The following SPTBN4 variants were observed in gnomAD, a reference collection of about 807,000 sequenced individuals.
SPTBN4 encodes the protein spectrin beta chain, non-erythrocytic 4.
A neutral mutation model predicts 277.8 loss-of-function variants in SPTBN4; 96 were observed. The ratio of observed to expected loss-of-function variants is 0.35; its 90% CI spans 0.29 to 0.41. SPTBN4 has a LOEUF of 0.41. SPTBN4 is among the 10% of genes least tolerant of loss of function. The pLI, the probability that SPTBN4 is intolerant of heterozygous loss-of-function variation, is 1.00. For missense variants in SPTBN4, 3,006 were observed against 3,595.7 expected (o/e 0.84, Z 4.19); for synonymous variants, 1,481 against 1,580.3 (o/e 0.94, Z 1.49).
intron 2 of SPTBN4, among the ~76,000 whole-genome samples, chr19:40,485,746 C>T (rs553305969): frequency 6.6e-4 from 100 of 151,874 alleles, no homozygotes; most frequent in African/African-American, 2.4e-3. Context: ...GTTGAGGCTG[C>T]AGTGAGCCAT....
rs1411350090 is a variant in SPTBN4, at chr19:40,575,658, G to A, written c.*89G>A. 1.4e-6 allele frequency: 2 copies of A among 1,456,616 alleles called. No individual in the cohort carries two copies. The highest frequency in any genetic ancestry group is 1.4e-5 in the African/African-American group (1 of 70,862). The allele number at this position is 1,456,616 out of a possible 1,614,324, so 90.2% of individuals were successfully genotyped here. A position where few individuals can be genotyped will look rare whatever the true frequency, so the allele number is the denominator to read the frequency against. The stretch of plus-strand genomic sequence containing the variant: ...CACTTTTTCTTCCGCAGGGGCGGGA[G>A]CCCCTAGTTCCAACACTGAGGACGC... On this transcript the variant is annotated 3_prime_UTR_variant, in exon 36 of 36. Transcript: ENST00000598249.
Position 40,566,197 on chromosome 19 carries a change from G to C in SPTBN4, c.6174G>C (p.Val2058=), listed in dbSNP as rs1283847326. 61 of 1,543,196 alleles carry C rather than the reference G, an allele frequency of 4.0e-5. No individual in the cohort carries two copies. Among genetic ancestry groups the C allele is most frequent in the Non-Finnish European group, 5.3e-5 (61 of 1,141,830 alleles). Residue 2058 remains valine, a synonymous_variant, in exon 30 of 36, where the codon GTG becomes GTC. Coordinates refer to ENST00000598249, the MANE Select transcript of SPTBN4 (RefSeq NM_020971.3). ...TGCACCAGTTTGCCCAGGAGGCGGT[G>C]GTGGCTGATGCCTGGCTGACAGCCC... is the stretch of plus-strand genomic sequence containing the variant. ...LEVHQFAQEA[V]VADAWLTAQE... is the part of the protein sequence containing the mutation.
chr19:40,485,123 G>A (rs559660504), intron 2 of SPTBN4, among the ~76,000 whole-genome samples: 4 of 152,000 alleles, frequency 2.6e-5, no homozygotes, highest in Non-Finnish European at 4.4e-5. Context: ...GATTACAGGC[G>A]TGAGCCACCG....
chr19:40,472,524 A>G (rs1307217996), intron 1 of SPTBN4, 83 bp from the exon 2 acceptor site: 1 of 1,280,536 alleles, frequency 7.8e-7, no homozygotes, highest in African/African-American at 1.5e-5. Flanking sequence ...AATTGAGGAC[A>G]AGAGAGGGGA....
In SPTBN4 at chr19:40,512,734, C is replaced by T. The variant is rs1473703732; in HGVS notation, c.1945C>T (p.Leu649=). The T allele has an allele frequency of 1.1e-5, 17 of 1,522,842 alleles. No homozygotes were observed. Among genetic ancestry groups the T allele is most frequent in the African/African-American group, 2.8e-5 (2 of 70,736 alleles). 94.3% of individuals were successfully genotyped at this position (1,522,842 alleles called of 1,614,324 possible). Residue 649 remains leucine, a synonymous_variant, in exon 14 of 36, where the codon CTG becomes TTG. Transcript: ENST00000598249. The part of the protein sequence containing the change: ...ELEASRSLWA[L]LQELEEAESW... ...GGAGGCTTCGCGGAGCCTGTGGGCGCTGCTGCAGGAGCTGGAGGAGGCCGA... is the reference window on the plus strand; with the variant it reads ...GGAGGCTTCGCGGAGCCTGTGGGCGTTGCTGCAGGAGCTGGAGGAGGCCGA...
chr19:40,487,012 G>GA (rs142474574), intron 2 of SPTBN4, among the ~76,000 whole-genome samples: 2,935 of 152,066 alleles, frequency 0.019, 99 homozygotes, highest in African/African-American at 0.068. Context: ...TCACAGGTAG[G>GA]AGGAGACATG....
intron 2 of SPTBN4, among the ~76,000 whole-genome samples, chr19:40,477,460 A>ATATG (rs1289309988): frequency 6.6e-6 from 1 of 152,124 alleles, no homozygotes; most frequent in Non-Finnish European, 1.5e-5. Context: ...CAGGACTCAT[A>ATATG]GGTCAGTGAG....
intron 2 of SPTBN4, among the ~76,000 whole-genome samples, chr19:40,480,665 TCTC>T (rs1374337307): frequency 1.3e-5 from 2 of 152,192 alleles, no homozygotes; most frequent in African/African-American, 4.8e-5. Context: ...GGGTGGTCCT[TCTC>T]CTTGCTGTAT....
rs201197553 is a variant in SPTBN4 at position 40,504,139 on chromosome 19, GC to G, written c.1665+8del. 10,664 of 1,272,574 alleles carry G rather than the reference GC, an allele frequency of 8.4e-3. 1,017 individuals carry two copies. The highest frequency in any genetic ancestry group is 0.013 in the Middle Eastern group (57 of 4,556). 78.8% of individuals were successfully genotyped at this position (1,272,574 alleles called of 1,614,324 possible). The stretch of plus-strand genomic sequence containing the variant: ...CTGGATGGAGGAGATGCAGGTGCCG[GC>G]GGGGGGGCGGGGATGCGGGTGGAGT... On this transcript the variant is annotated splice_region_variant and intron_variant, in intron 12 of 35. Transcript: ENST00000598249.
Position 40,540,720 on chromosome 19 carries a change from G to A in SPTBN4, c.4359+6377G>A, listed in dbSNP as rs183631322. 1.4e-3 allele frequency among the ~76,000 whole-genome samples: 213 copies of A among 149,896 alleles called. 4 individuals are homozygous for A. The highest frequency in any genetic ancestry group is 1.6e-4 in the Non-Finnish European group (11 of 67,644). On this transcript the variant is annotated intron_variant, in intron 20 of 35. Coordinates refer to ENST00000598249, the MANE Select transcript of SPTBN4 (RefSeq NM_020971.3). ...TCCCAGCTACTCAGAAGGCTGAAGTGGGAGGATCACTTGAGCCCAGGAGGT... is the reference window on the plus strand; with the variant it reads ...TCCCAGCTACTCAGAAGGCTGAAGTAGGAGGATCACTTGAGCCCAGGAGGT...
chr19:40,523,464 C>T lies in SPTBN4; in HGVS notation c.3682C>T (p.Pro1228Ser), dbSNP rs1163723840. The change falls in exon 17 of 36, where the codon CCG becomes TCG. Residue 1228 changes from proline (P) to serine (S), a missense_variant. Pro to Ser is a moderately conservative substitution (Grantham distance 74). Transcript: ENST00000598249. ...GATGGCGCTGTCTGGTGCGGAGCTCCCGGGCACAGTGGAATCGGTGGAGGA... is the reference window on the plus strand; with the variant it reads ...GATGGCGCTGTCTGGTGCGGAGCTCTCGGGCACAGTGGAATCGGTGGAGGA... The part of the protein sequence containing the change: ...QEMALSGAEL[P>S]GTVESVEEAL... The T allele has an allele frequency of 6.2e-7, 1 of 1,611,208 alleles. No homozygotes were observed. Among genetic ancestry groups the T allele is most frequent in the African/African-American group, 1.3e-5 (1 of 75,018 alleles).
chr19:40,513,685 C>G, intron 14 of SPTBN4, 131 bp downstream of exon 14: 6 of 1,006,426 alleles, frequency 6.0e-6, no homozygotes, highest in Non-Finnish European at 8.4e-6. Flanking sequence ...CCATAGCCAG[C>G]TTTGTGACAG....
At position 40,567,035 on chromosome 19, in the gene SPTBN4, C is replaced by A. The variant is rs1352421669; in HGVS notation, c.6337-628C>A. The A allele has an allele frequency of 6.8e-6, 3 of 440,522 alleles. No homozygotes were observed. The East Asian group carries it at 2.2e-4, about 32-fold the overall frequency. The allele number at this position is 440,522 out of a possible 1,614,324, so 27.3% of individuals were successfully genotyped here. ...GGGTGGGGTGGCTCACACCTGTACT[C>A]TCTTTGGAAGCCTAGGCGGGAGGAT... On this transcript the variant is annotated intron_variant, in intron 30 of 35. Transcript: ENST00000598249.
intron 13 of SPTBN4, among the ~76,000 whole-genome samples, chr19:40,507,254 G>A (rs1468472404): frequency 6.6e-6 from 1 of 151,476 alleles, no homozygotes; most frequent in African/African-American, 2.4e-5. Flanking sequence ...AGTCGAGGCT[G>A]CAGTAAGCCA....
intron 29 of SPTBN4, 75 bp downstream of exon 29, chr19:40,565,820 G>C: frequency 6.8e-7 from 1 of 1,470,994 alleles, no homozygotes; most frequent in South Asian, 1.2e-5. Context: ...AGGCCCAGAG[G>C]GTGACAGGAG....
chr19:40,573,272 A>G (rs1216960673), intron 35 of SPTBN4, among the ~76,000 whole-genome samples: 1 of 152,164 alleles, frequency 6.6e-6, no homozygotes, highest in South Asian at 2.1e-4. Flanking sequence ...TGATTGTACT[A>G]TGGCACTCCA....
At chr19:40,571,777 G>A in intron 33 of SPTBN4, 2 of 410,730 alleles carry the variant, frequency 4.9e-6, no homozygotes, top group Non-Finnish European at 8.7e-6. Context: ...AATTCAGTAT[G>A]GGAGGGGATA....
chr19:40,551,397 TCTCACA>T (rs1317437676), intron 22 of SPTBN4, among the ~76,000 whole-genome samples: 4 of 118,114 alleles, frequency 3.4e-5, no homozygotes, highest in African/African-American at 1.1e-4. Flanking sequence ...TCTCTCTCTC[TCTCACA>T]CACACACACA....
chr19:40,528,755 G>T (rs1179917907), intron 17 of SPTBN4, among the ~76,000 whole-genome samples: 1 of 151,748 alleles, frequency 6.6e-6, no homozygotes. Context: ...TTACTTCTCT[G>T]TTATCTTTCT....
Sources: allele counts gnomAD v4.1 joint callset (sites outside exome capture counted in the v4.1 genomes callset), GRCh38; gene constraint gnomAD v4.1.1; transcripts MANE v1.5; gene names NCBI Gene and HGNC (gene_info 2026-07-23, HGNC 2026-07-21).